Variants in IPO11 observed in about 807,000 individuals in gnomAD.
IPO11 encodes the protein importin 11.
In IPO11, 66 loss-of-function variants were observed where a neutral mutation model predicts 143.2. The observed-to-expected ratio is 0.46, with a 90% CI of 0.38 to 0.57. The LOEUF is 0.57. Among genes scored for constraint, IPO11 ranks in the 20% least tolerant of loss-of-function variants. IPO11 has a pLI of 0.00. For synonymous variants in IPO11, 385 were observed against 377.8 expected (o/e 1.02, Z -0.22); for missense variants, 1,026 against 1,141.0 (o/e 0.90, Z 1.45).
intron 24 of IPO11, among the ~76,000 whole-genome samples, chr5:62,540,025 C>A (rs1413119107): frequency 2.0e-5 from 3 of 152,126 alleles, no homozygotes; most frequent in Admixed American, 2.0e-4. Flanking sequence ...GTATGTATGC[C>A]TGTTTTAACC....
chr5:62,483,062 A>G (rs1000116544), intron 9 of IPO11, 39 bp from the exon 10 acceptor site: 7 of 1,274,852 alleles, frequency 5.5e-6, no homozygotes, highest in Non-Finnish European at 6.6e-6. Context: ...GAATTTGGGG[A>G]AAATACATTT....
chr5:62,526,320 C>T (rs1561348980), intron 21 of IPO11, 63 bp downstream of exon 21: 1 of 1,178,978 alleles, frequency 8.5e-7, no homozygotes, highest in Non-Finnish European at 1.3e-6. Flanking sequence ...ACTCTCATGC[C>T]AGTAAAGTTA....
intron 5 of IPO11, among the ~76,000 whole-genome samples, chr5:62,461,871 C>G (rs1434988729): frequency 6.6e-6 from 1 of 152,120 alleles, no homozygotes; most frequent in South Asian, 2.1e-4. Context: ...CGTTGAACAT[C>G]TCAAATGTGA....
intron 19 of IPO11, chr5:62,512,155 A>G (rs1741771989): frequency 3.5e-6 from 3 of 863,728 alleles, no homozygotes; most frequent in Non-Finnish European, 5.7e-6. Flanking sequence ...GTGAGAAACA[A>G]GAAGGCAACA....
chr5:62,561,535 A>G (rs1471309731), intron 27 of IPO11, among the ~76,000 whole-genome samples: 2 of 152,094 alleles, frequency 1.3e-5, no homozygotes, highest in Non-Finnish European at 2.9e-5. Flanking sequence ...TTTTATAATT[A>G]CGTTTTATTA....
intron 3 of IPO11, among the ~76,000 whole-genome samples, chr5:62,447,522 A>G (rs1744760107): frequency 6.6e-6 from 1 of 151,476 alleles, no homozygotes; most frequent in Non-Finnish European, 1.5e-5. Flanking sequence ...TTCTTGTACA[A>G]GGTGCTTATG....
At chr5:62,625,590 T>A (rs1423231812) in intron 29 of IPO11, among the ~76,000 whole-genome samples, 1 of 152,228 alleles carries the variant, frequency 6.6e-6, no homozygotes, top group Admixed American at 6.5e-5. Context: ...AATGATCACA[T>A]ACTTTCTTAG....
Position 62,495,031 on chromosome 5 carries a change from C to T in IPO11, c.1590+907C>T, listed in dbSNP as rs558347191. Among the ~76,000 whole-genome samples the T allele has an allele frequency of 2.0e-5, 3 of 152,236 alleles. No individual in the cohort carries two copies. In the South Asian group the frequency reaches 6.2e-4, roughly 32 times the overall value. The stretch of plus-strand genomic sequence containing the variant: ...CATAAAGAAAGCTACATGTAGTGTT[C>T]ACTAAAGGAAAGCTTAAATAGGTGA... On this transcript the variant is annotated intron_variant, in intron 16 of 29. Coordinates refer to ENST00000325324, the MANE Select transcript of IPO11 (RefSeq NM_016338.5).
At chr5:62,506,564 T>A (rs770613202) in intron 19 of IPO11, among the ~76,000 whole-genome samples, 2 of 152,034 alleles carry the variant, frequency 1.3e-5, no homozygotes, top group African/African-American at 2.4e-5. Context: ...AAAAAAAAAT[T>A]GGATCAACAG....
chr5:62,427,733 C>T (rs568301647), intron 1 of IPO11, among the ~76,000 whole-genome samples: 6 of 152,198 alleles, frequency 3.9e-5, no homozygotes, highest in African/African-American at 1.4e-4. Context: ...AACCATCCCC[C>T]CCTGCCCTTT....
chr5:62,561,051 T>G, intron 26 of IPO11, 85 bp from the exon 27 acceptor site: 1 of 1,219,102 alleles, frequency 8.2e-7, no homozygotes, highest in Non-Finnish European at 1.1e-6. Flanking sequence ...TAACCATGAC[T>G]TATGAGGCTT....
At chr5:62,532,564 C>G (rs577443069) in intron 22 of IPO11, among the ~76,000 whole-genome samples, 18 of 151,992 alleles carry the variant, frequency 1.2e-4, no homozygotes, top group Non-Finnish European at 2.5e-4. Flanking sequence ...CACCATGTTG[C>G]CCAGGCTGCT....
intron 20 of IPO11, among the ~76,000 whole-genome samples, chr5:62,516,413 C>G (rs554784059): frequency 4.5e-4 from 68 of 152,222 alleles, no homozygotes; most frequent in Admixed American, 1.8e-3. Flanking sequence ...CCTGTCTCAG[C>G]CTCCCAAGTA....
In IPO11 at chr5:62,490,188, G is replaced by C. The variant is rs932080443; in HGVS notation, c.1431G>C (p.Gln477His). Residue 477 changes from glutamine to histidine, a missense_variant, in exon 15 of 30, where the codon CAG (glutamine) becomes CAC (histidine). Physicochemically the swap from Gln to His is conservative, Grantham distance 24 (BLOSUM62 0). This residue lies in a region of IPO11 where 237 missense variants were observed against 288.0 expected (regional missense o/e 0.82). Transcript: ENST00000325324. ...SVDFDQWFKNQLLPELQVIHN... is the reference protein window; with the variant it reads ...SVDFDQWFKNHLLPELQVIHN... ...ATTTTGATCAGTGGTTTAAAAACCA[G>C]CTTCTTCCAGAATTACAAGTCATTC... 16 of 1,603,434 alleles carry C rather than the reference G, an allele frequency of 1.0e-5. No individual in the cohort carries two copies. The highest frequency in any genetic ancestry group is 1.4e-5 in the Non-Finnish European group (16 of 1,175,046).
intron 8 of IPO11, among the ~76,000 whole-genome samples, chr5:62,476,340 G>T (rs566495492): frequency 8.5e-4 from 130 of 152,228 alleles, no homozygotes; most frequent in African/African-American, 2.9e-3. Flanking sequence ...TAATGAGTGT[G>T]TTACTCCTTG....
At chr5:62,527,781 T>C (rs1008925301) in intron 21 of IPO11, among the ~76,000 whole-genome samples, 1 of 152,188 alleles carries the variant, frequency 6.6e-6, no homozygotes, top group African/African-American at 2.4e-5. Context: ...ATTACCTAAT[T>C]TGTTAATAGT....
intron 5 of IPO11, among the ~76,000 whole-genome samples, 184 bp downstream of exon 5, chr5:62,452,117 C>T (rs913621938): frequency 7.2e-5 from 11 of 152,032 alleles, no homozygotes; most frequent in African/African-American, 2.2e-4. Context: ...TGGTGGCACA[C>T]GCCTGTGGTT....
intron 1 of IPO11, among the ~76,000 whole-genome samples, chr5:62,435,132 ATATG>A (rs1199065891): frequency 4.3e-5 from 3 of 70,008 alleles, no homozygotes; most frequent in African/African-American, 2.0e-4. Context: ...ATATGTATAT[ATATG>A]TATATATGTA....
intron 29 of IPO11, among the ~76,000 whole-genome samples, chr5:62,619,095 C>T (rs550401670): frequency 4.6e-5 from 7 of 152,216 alleles, no homozygotes; most frequent in South Asian, 4.1e-4. Flanking sequence ...TGGTATTGCA[C>T]GCCTGTAGTC....
Sources: gnomAD v4.1 joint callset for allele counts (sites outside exome capture counted in the v4.1 genomes callset) on GRCh38, gnomAD v4.1.1 for gene constraint, gnomAD v4.1.1 regional missense constraint, MANE v1.5 for transcripts, NCBI Gene and HGNC (gene_info 2026-07-23, HGNC 2026-07-21) for gene names.